The following RAB10 variants were observed in gnomAD, a reference collection of about 807,000 sequenced individuals.
The protein encoded by RAB10 is RAB10, member RAS oncogene family.
RAB10 carries 5 observed loss-of-function variants against 25.7 expected under a neutral mutation model. That is an observed-to-expected ratio of 0.19 (90% CI 0.10 to 0.41). The LOEUF is 0.41. Among genes scored for constraint, RAB10 ranks in the 10% least tolerant of loss-of-function variants. The pLI, the probability that RAB10 is intolerant of heterozygous loss-of-function variation, is 1.00. For missense variants in RAB10, 103 were observed against 245.8 expected (o/e 0.42, Z 3.89); for synonymous variants, 89 against 86.4 (o/e 1.03, Z -0.16).
intron 3 of RAB10, among the ~76,000 whole-genome samples, chr2:26,119,801 G>C (rs563098796): frequency 2.0e-5 from 3 of 152,186 alleles, no homozygotes; most frequent in Non-Finnish European, 4.4e-5. Context: ...TTATACACAT[G>C]AGCCACTGTG....
In RAB10 at chr2:26,125,520, G is replaced by T. The variant is rs554121209; in HGVS notation, c.328-1624G>T. ...GGAGTACAGAGGCATGATGATCATG[G>T]CTCACTGCAGCCTCAACTTCCCAGG... On this transcript the variant is annotated intron_variant, in intron 3 of 5. Coordinates refer to ENST00000264710, the MANE Select transcript of RAB10 (RefSeq NM_016131.5). 4.0e-5 allele frequency among the ~76,000 whole-genome samples: 6 copies of T among 150,112 alleles called. No individual in the cohort carries two copies. The East Asian group carries it at 1.2e-3, about 29-fold the overall frequency.
upstream of RAB10, among the ~76,000 whole-genome samples, chr2:26,033,777 G>A (rs533010007): frequency 1.1e-4 from 16 of 151,726 alleles, no homozygotes; most frequent in Non-Finnish European, 2.1e-4. Context: ...GGGGAGCGGG[G>A]AGCGGGAGGC....
chr2:26,064,550 G>T (rs1021393623), intron 1 of RAB10, among the ~76,000 whole-genome samples: 3 of 151,754 alleles, frequency 2.0e-5, no homozygotes, highest in Admixed American at 6.6e-5. Context: ...ACACCATGTT[G>T]CCCAGGGTGG....
chr2:26,066,003 T>C (rs1453080699), intron 1 of RAB10, among the ~76,000 whole-genome samples: 3 of 152,200 alleles, frequency 2.0e-5, no homozygotes, highest in Admixed American at 6.5e-5. Context: ...AAACAAAAAT[T>C]TTATCTTCAG....
intron 1 of RAB10, among the ~76,000 whole-genome samples, chr2:26,059,145 G>A (rs1284320997): frequency 6.6e-6 from 1 of 152,160 alleles, no homozygotes; most frequent in Non-Finnish European, 1.5e-5. Context: ...AGTTGATGTT[G>A]CAGTGTGAAG....
At chr2:26,047,347 A>AC (rs906358978) in intron 1 of RAB10, among the ~76,000 whole-genome samples, 154 of 46,108 alleles carry the variant, frequency 3.3e-3, no homozygotes, top group African/African-American at 0.011. Flanking sequence ...GCTCCCCCCC[A>AC]CCCCCCAACT....
chr2:26,136,253 T>G lies in RAB10; in HGVS notation c.*1232T>G, dbSNP rs191076470. 4 of 152,728 alleles carry G rather than the reference T, an allele frequency of 2.6e-5. No homozygotes were observed. Among genetic ancestry groups the G allele is most frequent in the Admixed American group, 6.5e-5 (1 of 15,300 alleles). The allele number at this position is 152,728 out of a possible 1,614,324, so 9.5% of individuals were successfully genotyped here. The stretch of plus-strand genomic sequence containing the variant: ...CAGCTTGGTAGCCTAGTACAGGTTG[T>G]TTTTTTAAAAAAGGAAAAGCAGGAA... On this transcript the variant is annotated 3_prime_UTR_variant, in exon 6 of 6. Coordinates refer to ENST00000264710, the MANE Select transcript of RAB10 (RefSeq NM_016131.5).
chr2:26,046,998 G>C (rs1480260986), intron 1 of RAB10, among the ~76,000 whole-genome samples: 1 of 152,150 alleles, frequency 6.6e-6, no homozygotes, highest in Non-Finnish European at 1.5e-5. Flanking sequence ...TCCAATGGTA[G>C]CAGTTTTGGG....
At chr2:26,120,980 C>G (rs888858489) in intron 3 of RAB10, among the ~76,000 whole-genome samples, 2 of 151,908 alleles carry the variant, frequency 1.3e-5, no homozygotes, top group Non-Finnish European at 2.9e-5. Context: ...GGTATCATCT[C>G]AGCTCACTGC....
chr2:26,066,775 C>CT (rs1666520592), intron 1 of RAB10, among the ~76,000 whole-genome samples: 2 of 113,122 alleles, frequency 1.8e-5, no homozygotes, highest in Non-Finnish European at 3.3e-5. Flanking sequence ...ACCATGCCAT[C>CT]AATTTTTTTT....
Position 26,085,867 on chromosome 2 carries a change from C to T in RAB10, c.128-12795C>T, listed in dbSNP as rs1039825705. 8.6e-5 allele frequency among the ~76,000 whole-genome samples: 13 copies of T among 151,390 alleles called. No homozygotes were observed. In the East Asian group the frequency reaches 9.7e-4, roughly 11 times the overall value. On this transcript the variant is annotated intron_variant, in intron 1 of 5. Coordinates refer to ENST00000264710, the MANE Select transcript of RAB10 (RefSeq NM_016131.5). ...CAAAAAAATTAGCTGGGCATGGTGG[C>T]GCATGCCTGTAATCCCAGCTACTTG...
In RAB10 at chr2:26,109,777, A is replaced by G; in HGVS notation, c.198A>G (p.Ala66=). The change falls in exon 3 of 6, where the codon GCA becomes GCG. Residue 66 remains alanine (A), a synonymous_variant. Coordinates refer to ENST00000264710, the MANE Select transcript of RAB10 (RefSeq NM_016131.5). The part of the protein sequence containing the change: ...KKIKLQIWDT[A]GQERFHTITT... ...TGGCTGTTTATTTCAGGGATACAGC[A>G]GGCCAGGAGCGATTTCACACCATCA... The G allele has an allele frequency of 6.3e-7, 1 of 1,583,680 alleles. No homozygotes were observed. The highest frequency in any genetic ancestry group is 8.6e-7 in the Non-Finnish European group (1 of 1,168,186).
chr2:26,061,797 C>T (rs1340168177), intron 1 of RAB10, among the ~76,000 whole-genome samples: 1 of 138,942 alleles, frequency 7.2e-6, no homozygotes, highest in African/African-American at 2.6e-5. Context: ...CACGCTGTCA[C>T]TCACGCTGGA....
At chr2:26,079,821 A>G (rs1408475966) in intron 1 of RAB10, among the ~76,000 whole-genome samples, 3 of 152,072 alleles carry the variant, frequency 2.0e-5, no homozygotes, top group African/African-American at 2.4e-5. Context: ...ATGTGCCACC[A>G]TGCCTGGCTA....
In RAB10 at chr2:26,124,200, GTGTT is replaced by G. The variant is rs535318298; in HGVS notation, c.328-2941_328-2938del. 3.1e-3 allele frequency among the ~76,000 whole-genome samples: 477 copies of G among 151,968 alleles called. 1 individual carries two copies. The highest frequency in any genetic ancestry group is 7.8e-3 in the Admixed American group (119 of 15,242). The stretch of plus-strand genomic sequence containing the variant: ...TTAGCATCAGGCTGTTACTAATTAA[GTGTT>G]TGGGGAGTAAAAGTTATACATGGTA... On this transcript the variant is annotated intron_variant, in intron 3 of 5. Coordinates refer to ENST00000264710, the MANE Select transcript of RAB10 (RefSeq NM_016131.5).
rs115127991 is a variant in RAB10, at chr2:26,099,921, C to T, written c.188+1199C>T. 2.1e-3 allele frequency among the ~76,000 whole-genome samples: 320 copies of T among 152,046 alleles called. 2 individuals carry two copies. Among genetic ancestry groups the T allele is most frequent in the Non-Finnish European group, 3.1e-3 (209 of 67,992 alleles). ...TACTTTTCAACATGACTGTATCTAC[C>T]CCGCAGAATGACCTAGCTCCTTGAT... On this transcript the variant is annotated intron_variant, in intron 2 of 5. Transcript: ENST00000264710.
intron 1 of RAB10, among the ~76,000 whole-genome samples, chr2:26,098,051 T>A (rs1667260679): frequency 1.3e-5 from 2 of 151,764 alleles, no homozygotes; most frequent in Admixed American, 1.3e-4. Context: ...AATTTTACTT[T>A]CTTATATCCT....
At chr2:26,053,422 A>G (rs1357796844) in intron 1 of RAB10, among the ~76,000 whole-genome samples, 1 of 152,202 alleles carries the variant, frequency 6.6e-6, no homozygotes, top group East Asian at 1.9e-4. Flanking sequence ...ACAAAGTAGA[A>G]CTGTAGTCTT....
At chr2:26,116,712 G>T (rs1295000056) in intron 3 of RAB10, among the ~76,000 whole-genome samples, 2 of 151,668 alleles carry the variant, frequency 1.3e-5, no homozygotes, top group African/African-American at 4.8e-5. Context: ...ACCCGCCACC[G>T]CACCCAGCTA....
Sources: allele counts gnomAD v4.1 joint callset (sites outside exome capture counted in the v4.1 genomes callset), GRCh38; gene constraint gnomAD v4.1.1; transcripts MANE v1.5; gene names NCBI Gene and HGNC (gene_info 2026-07-23, HGNC 2026-07-21).